GSK3B: variants seen among roughly 807,000 people sequenced by gnomAD.
GSK3B encodes glycogen synthase kinase 3 beta, also known as glycogen synthase kinase-3 beta.
In GSK3B, 15 loss-of-function variants were observed where a neutral mutation model predicts 56.4. The ratio of observed to expected loss-of-function variants is 0.27; its 90% confidence interval spans 0.18 to 0.41. The LOEUF is 0.41. Ranked by LOEUF, GSK3B falls within the 10% of genes least tolerant of loss-of-function variation. GSK3B has a pLI of 1.00. For synonymous variants in GSK3B, 181 were observed against 188.9 expected (o/e 0.96, Z 0.34); for missense variants, 300 against 513.4 (o/e 0.58, Z 4.02).
intron 1 of GSK3B, among the ~76,000 whole-genome samples, chr3:120,012,378 T>A (rs1437951923): frequency 6.6e-6 from 1 of 152,168 alleles, no homozygotes; most frequent in African/African-American, 2.4e-5. Context: ...CATGAAACAG[T>A]AATTTCCAAA....
At chr3:119,869,235 A>AAAAC (rs1553726297) in intron 8 of GSK3B, among the ~76,000 whole-genome samples, 1 of 150,360 alleles carries the variant, frequency 6.7e-6, no homozygotes, top group African/African-American at 2.4e-5. Context: ...AAAAAAAAAA[A>AAAAC]AAAAAAAAAA....
At chr3:119,888,538 A>C (rs1283730153) in intron 7 of GSK3B, among the ~76,000 whole-genome samples, 1 of 152,144 alleles carries the variant, frequency 6.6e-6, no homozygotes, top group Non-Finnish European at 1.5e-5. Context: ...ACGTCACCTC[A>C]GGCCCACTAT....
chr3:119,861,249 G>A (rs987129859), intron 9 of GSK3B, among the ~76,000 whole-genome samples: 1 of 152,122 alleles, frequency 6.6e-6, no homozygotes, highest in Admixed American at 6.5e-5. Flanking sequence ...GGTGGCTCAT[G>A]CCTGTAATCC....
Position 119,863,539 on chromosome 3 carries a change from T to A in GSK3B, c.976A>T (p.Thr326Ser). The part of the protein sequence containing the change: ...LCSRLLEYTP[T>S]ARLTPLEACA... ...GCTTCCAGTGGTGTTAGTCGGGCAGTTGGTGTATACTCCAGCAGACGGCTA... is the reference window on the plus strand; with the variant it reads ...GCTTCCAGTGGTGTTAGTCGGGCAGATGGTGTATACTCCAGCAGACGGCTA... Residue 326 changes from threonine to serine, a missense_variant, in exon 9 of 11, where the codon ACT (threonine) becomes TCT (serine). Thr to Ser is a moderately conservative substitution (Grantham distance 58). Coordinates refer to ENST00000264235, the MANE Select transcript of GSK3B (RefSeq NM_001146156.2). 1 of 1,613,692 alleles carries A rather than the reference T, an allele frequency of 6.2e-7. No individual in the cohort carries two copies. Among genetic ancestry groups the A allele is most frequent in the Non-Finnish European group, 8.5e-7 (1 of 1,179,612 alleles).
At position 119,954,267 on chromosome 3, in the gene GSK3B, T is replaced by A. The variant is rs1228763897; in HGVS notation, c.283-6916A>T. Among the ~76,000 whole-genome samples the A allele has an allele frequency of 3.4e-5, 5 of 145,888 alleles. No homozygotes were observed. The East Asian group carries it at 9.8e-4, about 28-fold the overall frequency. ...TAGAATAGAATAGAATAGAATAGAA[T>A]AGAATAGAATAGAATAGAATAGAAT... On this transcript the variant is annotated intron_variant, in intron 2 of 10. Coordinates refer to ENST00000264235, the MANE Select transcript of GSK3B (RefSeq NM_001146156.2).
At chr3:119,998,699 T>C (rs1453385800) in intron 2 of GSK3B, among the ~76,000 whole-genome samples, 1 of 152,056 alleles carries the variant, frequency 6.6e-6, no homozygotes, top group Non-Finnish European at 1.5e-5. Context: ...CAGACCATAA[T>C]CCCACCACTT....
At chr3:119,894,797 T>C (rs543779157) in intron 7 of GSK3B, among the ~76,000 whole-genome samples, 17 of 152,256 alleles carry the variant, frequency 1.1e-4, no homozygotes, top group African/African-American at 3.8e-4. Flanking sequence ...TTGTGTTACA[T>C]GTATGAAAAT....
chr3:119,952,221 C>T (rs2057163773), intron 2 of GSK3B, among the ~76,000 whole-genome samples: 1 of 152,112 alleles, frequency 6.6e-6, no homozygotes. Flanking sequence ...GGCACGGTGG[C>T]TCACGTCTAT....
chr3:119,951,029 G>A (rs1161178790), intron 2 of GSK3B, among the ~76,000 whole-genome samples: 1 of 152,168 alleles, frequency 6.6e-6, no homozygotes, highest in Non-Finnish European at 1.5e-5. Flanking sequence ...GCTAAAATGA[G>A]AATGTAGTCC....
At chr3:119,894,349 A>G (rs1164081200) in intron 7 of GSK3B, among the ~76,000 whole-genome samples, 3 of 152,146 alleles carry the variant, frequency 2.0e-5, no homozygotes, top group Non-Finnish European at 4.4e-5. Context: ...AACTTGTTCA[A>G]GGTTTGCATC....
At chr3:119,972,440 T>C (rs1380796432) in intron 2 of GSK3B, among the ~76,000 whole-genome samples, 2 of 152,154 alleles carry the variant, frequency 1.3e-5, no homozygotes, top group Non-Finnish European at 2.9e-5. Context: ...GTTTGTTTGT[T>C]TGTTTGTTTT....
At chr3:119,854,630 T>C (rs774338767) in intron 9 of GSK3B, among the ~76,000 whole-genome samples, 2 of 152,268 alleles carry the variant, frequency 1.3e-5, no homozygotes, top group East Asian at 3.8e-4. Flanking sequence ...ATTCAACTTC[T>C]TCCTGGTTTA....
intron 7 of GSK3B, among the ~76,000 whole-genome samples, chr3:119,900,865 G>A (rs1323890686): frequency 3.9e-5 from 6 of 152,178 alleles, no homozygotes; most frequent in African/African-American, 1.4e-4. Flanking sequence ...TATAGTATAT[G>A]AAAATATTTA....
At chr3:119,917,701 G>T in intron 4 of GSK3B, among the ~76,000 whole-genome samples, 1 of 149,706 alleles carries the variant, frequency 6.7e-6, no homozygotes. Context: ...GTTTAAATGA[G>T]GTTAATTTTA....
chr3:119,931,714 G>A (rs868611553), intron 3 of GSK3B, among the ~76,000 whole-genome samples: 3 of 152,098 alleles, frequency 2.0e-5, no homozygotes, highest in Non-Finnish European at 4.4e-5. Flanking sequence ...AGCTGAAAAC[G>A]CTGAGTCTGC....
At chr3:120,060,096 C>T (rs2058224250) in intron 1 of GSK3B, among the ~76,000 whole-genome samples, 1 of 152,114 alleles carries the variant, frequency 6.6e-6, no homozygotes, top group Non-Finnish European at 1.5e-5. Context: ...CACACAAAAA[C>T]AAAACTCCTT....
chr3:120,063,940 T>C (rs2058258463), intron 1 of GSK3B, among the ~76,000 whole-genome samples: 1 of 152,040 alleles, frequency 6.6e-6, no homozygotes, highest in Admixed American at 6.6e-5. Flanking sequence ...TGAGCCGATA[T>C]TGTGCCACTG....
At chr3:119,985,198 G>C (rs1489568255) in intron 2 of GSK3B, among the ~76,000 whole-genome samples, 1 of 151,644 alleles carries the variant, frequency 6.6e-6, no homozygotes, top group African/African-American at 2.4e-5. Context: ...CTCAAAATAA[G>C]AGCTATTTAT....
chr3:120,041,390 G>GA (rs2058064187), intron 1 of GSK3B: 1 of 289,952 alleles, frequency 3.4e-6, no homozygotes, highest in East Asian at 9.2e-5. Flanking sequence ...GCACAGGATG[G>GA]AACCCATACT....
Sources: allele counts gnomAD v4.1 joint callset (sites outside exome capture counted in the v4.1 genomes callset), GRCh38; gene constraint gnomAD v4.1.1; transcripts MANE v1.5; gene names NCBI Gene and HGNC (gene_info 2026-07-23, HGNC 2026-07-21).